Variants in FNBP4 observed in about 807,000 individuals in gnomAD.
FNBP4 encodes the protein formin binding protein 4, also known as formin-binding protein 4.
In FNBP4, 34 loss-of-function variants were observed where a neutral mutation model predicts 119.3. That is an observed-to-expected ratio of 0.28 (90% CI 0.22 to 0.38). The LOEUF is 0.38. Among genes scored for constraint, FNBP4 ranks in the 10% least tolerant of loss-of-function variants. The pLI, the probability that FNBP4 is intolerant of heterozygous loss-of-function variation, is 1.00. For synonymous variants in FNBP4, 462 were observed against 430.6 expected, an observed-to-expected ratio of 1.07 and a Z score of -0.90; for missense variants, 1,112 against 1,228.9, an observed-to-expected ratio of 0.90 and a Z score of 1.42.
intron 1 of FNBP4, among the ~76,000 whole-genome samples, chr11:47,765,567 C>CAG (rs2097645725): frequency 8.2e-5 from 3 of 36,392 alleles, no homozygotes; most frequent in Non-Finnish European, 1.3e-4. Flanking sequence ...GAGGCCAAGA[C>CAG]GGGGGGGGGG....
At chr11:47,724,377 G>C in intron 13 of FNBP4, 91 bp downstream of exon 13, 1 of 1,591,828 alleles carries the variant, frequency 6.3e-7, no homozygotes, top group Non-Finnish European at 8.6e-7. Context: ...CACCGTGCCC[G>C]GCCTTTAAAC....
chr11:47,741,522 A>C (rs564016024), intron 8 of FNBP4, among the ~76,000 whole-genome samples: 1 of 151,856 alleles, frequency 6.6e-6, no homozygotes, highest in East Asian at 1.9e-4. Flanking sequence ...TTCCTTTCTA[A>C]GAATATACCA....
At chr11:47,717,768 G>C (rs150522583) in intron 16 of FNBP4, among the ~76,000 whole-genome samples, 16 of 152,232 alleles carry the variant, frequency 1.1e-4, no homozygotes, top group African/African-American at 3.9e-4. Flanking sequence ...GACTGATTGA[G>C]ACGGAATTTT....
chr11:47,736,008 G>A (rs1006100909), intron 9 of FNBP4, among the ~76,000 whole-genome samples: 4 of 152,002 alleles, frequency 2.6e-5, no homozygotes, highest in African/African-American at 9.7e-5. Context: ...AACCCAGGAG[G>A]CGGAGCTTGC....
intron 6 of FNBP4, among the ~76,000 whole-genome samples, 196 bp downstream of exon 6, chr11:47,750,718 GAA>G (rs1300810821): frequency 3.5e-3 from 311 of 88,072 alleles, no homozygotes; most frequent in Middle Eastern, 0.025. Flanking sequence ...AAAAAAAAAA[GAA>G]AAAAGAAAAA....
chr11:47,731,317 T>C (rs2097567133), intron 12 of FNBP4, 57 bp downstream of exon 12: 9 of 1,468,758 alleles, frequency 6.1e-6, no homozygotes, highest in South Asian at 4.1e-5. Flanking sequence ...TGTAAATTAA[T>C]AAGATTTTTC....
intron 16 of FNBP4, among the ~76,000 whole-genome samples, chr11:47,719,178 G>A (rs1269148148): frequency 6.6e-6 from 1 of 152,218 alleles, no homozygotes; most frequent in Non-Finnish European, 1.5e-5. Context: ...GTGAGCCACC[G>A]TGCCCAGCCC....
intron 1 of FNBP4, 119 bp from the exon 2 acceptor site, chr11:47,765,481 T>C (rs916876361): frequency 3.1e-6 from 2 of 644,674 alleles, no homozygotes; most frequent in Non-Finnish European, 5.1e-6. Flanking sequence ...TGATTTAACA[T>C]TTCAGCTCTA....
intron 2 of FNBP4, among the ~76,000 whole-genome samples, chr11:47,762,906 CAAAAAAAA>C (rs56659957): frequency 3.7e-4 from 37 of 100,640 alleles, no homozygotes; most frequent in East Asian, 2.3e-3. Context: ...ACTCTGATTC[CAAAAAAAA>C]AAAAAAAAAA....
In FNBP4 at chr11:47,760,259, ATTTT is replaced by A. The variant is rs199885568; in HGVS notation, c.313+5007_313+5010del. ...GAGAGACATCATAAATTGATCAAACATTTTTTTTTTTTTTTTTTTTGAGACAGAG... is the reference window on the plus strand; with the variant it reads ...GAGAGACATCATAAATTGATCAAACATTTTTTTTTTTTTTTTGAGACAGAG... On this transcript the variant is annotated intron_variant, in intron 2 of 16. Coordinates refer to ENST00000263773, the MANE Select transcript of FNBP4 (RefSeq NM_015308.5). Among the ~76,000 whole-genome samples, 546 of 127,902 alleles carry A rather than the reference ATTTT, an allele frequency of 4.3e-3. 3 individuals are homozygous for A. Among genetic ancestry groups the A allele is most frequent in the Non-Finnish European group, 7.1e-3 (429 of 60,722 alleles). The allele number at this position is 127,902 out of a possible 152,430, so 83.9% of individuals were successfully genotyped here.
intron 2 of FNBP4, among the ~76,000 whole-genome samples, chr11:47,758,098 C>CT (rs1259696388): frequency 2.6e-5 from 4 of 151,994 alleles, no homozygotes; most frequent in South Asian, 2.1e-4. Context: ...TTTTTCATTT[C>CT]TTTTTTTTGA....
intron 10 of FNBP4, among the ~76,000 whole-genome samples, chr11:47,733,356 G>A (rs1040056206): frequency 9.9e-5 from 15 of 150,960 alleles, no homozygotes; most frequent in Non-Finnish European, 1.8e-4. Flanking sequence ...TTTTAGAGAC[G>A]GACTCGGACT....
chr11:47,749,570 T>TA (rs968800684), intron 6 of FNBP4, among the ~76,000 whole-genome samples: 1 of 152,048 alleles, frequency 6.6e-6, no homozygotes, highest in Non-Finnish European at 1.5e-5. Context: ...AGAAAAAAAT[T>TA]AAAATTAAAA....
intron 8 of FNBP4, among the ~76,000 whole-genome samples, chr11:47,740,213 G>A (rs913579815): frequency 1.3e-5 from 2 of 151,810 alleles, no homozygotes; most frequent in Non-Finnish European, 2.9e-5. Flanking sequence ...TCGGGAGTTC[G>A]AGATTAGCCT....
chr11:47,719,953 T>G lies in FNBP4; in HGVS notation c.2939A>C (p.Glu980Ala). The G allele has an allele frequency of 6.2e-7, 1 of 1,613,944 alleles. No individual in the cohort carries two copies. The highest frequency in any genetic ancestry group is 8.5e-7 in the Non-Finnish European group (1 of 1,179,914). The part of the protein sequence containing the change: ...RESTAQKRIE[E>A]WKQQQLVSGM... ...CCTAACCAGCTGCTGCTGTTTCCAC[T>G]CTTCAATTCGCTTCTGTGCAGTTGA... The change falls in exon 16 of 17, where the codon GAG becomes GCG. Residue 980 changes from glutamate (E) to alanine (A), a missense_variant. By Grantham distance (107) the Glu-to-Ala change is moderately radical (BLOSUM62 -1). Around this residue, in one of 2 missense-constraint regions of FNBP4, gnomAD observed 826 missense variants for 988.8 expected, o/e 0.84. Transcript: ENST00000263773.
In FNBP4 at chr11:47,716,915, T is replaced by C. The variant is rs1191965847; in HGVS notation, c.*507A>G. 6.5e-6 allele frequency: 1 copy of C among 153,420 alleles called. No homozygotes were observed. Among genetic ancestry groups the C allele is most frequent in the Non-Finnish European group, 1.5e-5 (1 of 68,660 alleles). The allele number at this position is 153,420 out of a possible 1,614,324, so 9.5% of individuals were successfully genotyped here. A position where few individuals can be genotyped will look rare whatever the true frequency, so the allele number is the denominator to read the frequency against. On this transcript the variant is annotated 3_prime_UTR_variant, in exon 17 of 17. Coordinates refer to ENST00000263773, the MANE Select transcript of FNBP4 (RefSeq NM_015308.5). ...CAGTTCTAGAACTTATGAGAACTAC[T>C]CTAAAGAGTGTGGCCATCTATCAGC...
At chr11:47,729,301 G>A (rs907381237) in intron 12 of FNBP4, 3 of 985,286 alleles carry the variant, frequency 3.0e-6, no homozygotes, top group South Asian at 9.4e-5. Context: ...AAAGAAAAAG[G>A]AGCTCAACTT....
rs1286835467 is a variant in FNBP4, at chr11:47,716,664, G to C, written c.*758C>G. On this transcript the variant is annotated 3_prime_UTR_variant, in exon 17 of 17. Coordinates refer to ENST00000263773, the MANE Select transcript of FNBP4 (RefSeq NM_015308.5). ...TGATTGTGATACAACAGAAAGTACA[G>C]AACAGTAAACTGCTTTTTAAATACT... 1 of 152,586 alleles carries C rather than the reference G, an allele frequency of 6.6e-6. No homozygotes were observed. The highest frequency in any genetic ancestry group is 2.4e-5 in the African/African-American group (1 of 41,440). 9.5% of individuals were successfully genotyped at this position (152,586 alleles called of 1,614,324 possible).
In FNBP4 at chr11:47,754,550, C is replaced by G. The variant is rs1396133468; in HGVS notation, c.428G>C (p.Ser143Thr). Residue 143 changes from serine (S) to threonine (T), a missense_variant, in exon 3 of 17, where the codon AGT becomes ACT. Around this residue, in one of 2 missense-constraint regions of FNBP4, gnomAD observed 286 missense variants for 240.1 expected, o/e 1.19. Transcript: ENST00000263773. ...TNGNQSTDID[S>T]TLANFLAEID... ...AACCGCTAGGAAGTTGGCCAATGTA[C>G]TATCAATATCAGTTGACTGGTTTCC... 6.2e-7 allele frequency: 1 copy of G among 1,613,928 alleles called. No individual in the cohort carries two copies. The highest frequency in any genetic ancestry group is 1.1e-5 in the South Asian group (1 of 91,016).
Sources: allele counts gnomAD v4.1 joint callset (sites outside exome capture counted in the v4.1 genomes callset), GRCh38; gene constraint gnomAD v4.1.1; regional missense constraint gnomAD v4.1.1; transcripts MANE v1.5; gene names NCBI Gene and HGNC (gene_info 2026-07-23, HGNC 2026-07-21).